Variants in MARK4 observed in about 807,000 individuals in gnomAD.
MARK4 encodes MAP/microtubule affinity-regulating kinase 4.
Under a neutral mutation model 81.5 loss-of-function variants are expected in MARK4, and 19 were observed. The ratio of observed to expected loss-of-function variants is 0.23; its 90% CI spans 0.16 to 0.34. MARK4 has a LOEUF of 0.34. MARK4 is among the 10% of genes least tolerant of loss of function. The probability of loss-of-function intolerance (pLI) is 1.00; values close to 1 mark genes in which losing one functional copy is unlikely to be tolerated. For missense variants in MARK4, 772 were observed against 1,058.8 expected, an observed-to-expected ratio of 0.73 and a Z score of 3.76; for synonymous variants, 436 against 439.0, an observed-to-expected ratio of 0.99 and a Z score of 0.08.
chr19:45,255,202 CAAA>C (rs764108800), intron 1 of MARK4, among the ~76,000 whole-genome samples: 2 of 127,624 alleles, frequency 1.6e-5, no homozygotes, highest in Admixed American at 8.0e-5. Flanking sequence ...GGCCCTGTCT[CAAA>C]AAAAAAAAAA....
In MARK4 at chr19:45,280,643, C is replaced by G. The variant is rs144143514; in HGVS notation, c.1185C>G (p.Asn395Lys). The G allele has an allele frequency of 1.2e-6, 2 of 1,614,188 alleles. No individual in the cohort carries two copies. The highest frequency in any genetic ancestry group is 1.1e-5 in the South Asian group (1 of 91,092). The change falls in exon 12 of 17, where the codon AAC becomes AAG. Residue 395 changes from asparagine (N) to lysine (K), a missense_variant. Coordinates refer to ENST00000262891, the MANE Select transcript of MARK4 (RefSeq NM_001199867.2). The stretch of plus-strand genomic sequence containing the variant: ...TGCGGGCGCCCAGCGACACCACCAA[C>G]GGAACAAGTTCCAGCAAAGGCACCA... ...ARVRAPSDTTNGTSSSKGTSH... is the reference protein window; with the variant it reads ...ARVRAPSDTTKGTSSSKGTSH...
At chr19:45,299,918 C>G (rs1970945703) in intron 16 of MARK4, 63 bp downstream of exon 16, 4 of 1,520,416 alleles carry the variant, frequency 2.6e-6, no homozygotes, top group Non-Finnish European at 3.6e-6. Flanking sequence ...CCTCCCGACA[C>G]TTACCCCAGG....
chr19:45,264,742 A>G lies in MARK4; in HGVS notation c.414A>G (p.Ala138=), dbSNP rs1208698384. 1 of 1,613,932 alleles carries G rather than the reference A, an allele frequency of 6.2e-7. No homozygotes were observed. The highest frequency in any genetic ancestry group is 8.5e-7 in the Non-Finnish European group (1 of 1,180,036). ...EKTLYLVMEY[A]SAGEVFDYLV... ...CGCTGTACCTGGTGATGGAGTACGC[A>G]AGTGCTGGTGAGCCGCCCACCCTCT... Residue 138 remains alanine, a synonymous_variant, in exon 5 of 17, where the codon GCA becomes GCG. Coordinates refer to ENST00000262891, the MANE Select transcript of MARK4 (RefSeq NM_001199867.2).
At chr19:45,268,020 T>A (rs1832040775) in intron 7 of MARK4, among the ~76,000 whole-genome samples, 3 of 152,086 alleles carry the variant, frequency 2.0e-5, no homozygotes, top group Admixed American at 2.0e-4. Context: ...GGTCTCAATC[T>A]CCTGACCTTG....
chr19:45,293,716 T>C (rs765629893), intron 13 of MARK4, among the ~76,000 whole-genome samples: 3 of 152,232 alleles, frequency 2.0e-5, no homozygotes, highest in Admixed American at 6.5e-5. Context: ...AATCCTGATA[T>C]TCCCTGTGTT....
rs1484310480 is a variant in MARK4 at position 45,280,362 on chromosome 19, C to T, written c.1007-12C>T. The T allele has an allele frequency of 6.2e-7, 1 of 1,608,534 alleles. No individual in the cohort carries two copies. ...TGGGAGTCTGAAACTTCTCTCCATC[C>T]CCCCCTCCCAGAGGTGATGGTGGGT... On this transcript the variant is annotated splice_polypyrimidine_tract_variant and intron_variant, in intron 10 of 16. Coordinates refer to ENST00000262891, the MANE Select transcript of MARK4 (RefSeq NM_001199867.2).
chr19:45,287,523 G>GC lies in MARK4; in HGVS notation c.1354dup (p.Leu452ProfsTer53). On this transcript the variant is annotated frameshift_variant, in exon 13 of 17. Coordinates refer to ENST00000262891, the MANE Select transcript of MARK4 (RefSeq NM_001199867.2). LOFTEE classifies it high-confidence loss of function. Reference sequence around the variant, plus strand: ...GGGAGGCGGAGCTGAAGGAGGAGCGGCTGCCAGGCCGGAAGGCGAGCTGCA... The same window carrying GC: ...GGGAGGCGGAGCTGAAGGAGGAGCGGCCTGCCAGGCCGGAAGGCGAGCTGCA... 6.4e-7 allele frequency: 1 copy of GC among 1,561,796 alleles called. No individual in the cohort carries two copies. Among genetic ancestry groups the GC allele is most frequent in the Non-Finnish European group, 8.7e-7 (1 of 1,150,874 alleles).
intron 1 of MARK4, among the ~76,000 whole-genome samples, chr19:45,255,692 G>A (rs1008123121): frequency 6.6e-5 from 10 of 152,280 alleles, no homozygotes; most frequent in Middle Eastern, 3.4e-3. Context: ...TCAATGACCA[G>A]CATTAATTAA....
intron 2 of MARK4, 57 bp from the exon 3 acceptor site, chr19:45,263,056 A>G (rs1970399757): frequency 1.3e-6 from 2 of 1,561,322 alleles, no homozygotes; most frequent in East Asian, 2.4e-5. Context: ...CTGAGCCACC[A>G]TATCCAGTGG....
In MARK4 at chr19:45,302,239, C is replaced by A. The variant is rs1414502615; in HGVS notation, c.1923-135C>A. 2.6e-6 allele frequency: 4 copies of A among 1,538,196 alleles called. No individual in the cohort carries two copies. Among genetic ancestry groups the A allele is most frequent in the Non-Finnish European group, 3.5e-6 (4 of 1,142,970 alleles). On this transcript the variant is annotated intron_variant, in intron 16 of 16. Coordinates refer to ENST00000262891, the MANE Select transcript of MARK4 (RefSeq NM_001199867.2). This position sits in a 1 kb window ranked among gnomAD's most constrained non-coding sequence, Gnocchi z 4.9. ...GCTCTGTATCCAGTTGAAACTGTCGCTGGGGTAACAGGGGAAGATGTTTTT... is the reference window on the plus strand; with the variant it reads ...GCTCTGTATCCAGTTGAAACTGTCGATGGGGTAACAGGGGAAGATGTTTTT...
chr19:45,270,219 G>T (rs1599785312), intron 7 of MARK4, among the ~76,000 whole-genome samples: 2 of 152,132 alleles, frequency 1.3e-5, no homozygotes, highest in East Asian at 3.8e-4. Context: ...CAGGTGTCGA[G>T]ATCACCCTCA....
At position 45,297,823 on chromosome 19, in the gene MARK4, G is replaced by T. The variant is rs997386518; in HGVS notation, c.1746G>T (p.Gly582=). 3 of 1,541,840 alleles carry T rather than the reference G, an allele frequency of 1.9e-6. No individual in the cohort carries two copies. The highest frequency in any genetic ancestry group is 2.4e-5 in the East Asian group (1 of 41,350). The stretch of plus-strand genomic sequence containing the variant: ...TCCGGGACCGGCGGGCAGGGGGTGG[G>T]GGTGGTGGGGGTGTGCAGAATGGGC... The part of the protein sequence containing the change: ...GQVRDRRAGG[G]GGGGVQNGPP... Residue 582 remains glycine (G), a synonymous_variant, in exon 15 of 17, where the codon GGG becomes GGT. Coordinates refer to ENST00000262891, the MANE Select transcript of MARK4 (RefSeq NM_001199867.2).
chr19:45,263,696 C>G (rs1312300375), intron 4 of MARK4, among the ~76,000 whole-genome samples: 1 of 149,964 alleles, frequency 6.7e-6, no homozygotes, highest in African/African-American at 2.5e-5. Flanking sequence ...GAGCTGAGAT[C>G]GCACCACTGC....
chr19:45,300,339 C>G (rs1420929371), intron 16 of MARK4, among the ~76,000 whole-genome samples: 3 of 31,082 alleles, frequency 9.7e-5, no homozygotes, highest in East Asian at 1.3e-3. Flanking sequence ...AGTGAAACTC[C>G]GTCTGAAAAA....
intron 16 of MARK4, among the ~76,000 whole-genome samples, chr19:45,301,888 GGA>G (rs572364842): frequency 7.3e-6 from 1 of 136,520 alleles, no homozygotes; most frequent in Non-Finnish European, 1.6e-5. Context: ...AAAAAGAAAA[GGA>G]AAAAGAAATT....
chr19:45,282,430 G>A (rs774706827), intron 12 of MARK4, among the ~76,000 whole-genome samples: 2 of 151,704 alleles, frequency 1.3e-5, no homozygotes, highest in Non-Finnish European at 2.9e-5. Flanking sequence ...GGTGGCTCAC[G>A]CCTGTAATCC....
At chr19:45,297,981 A>AGGGCGGGGCG in intron 15 of MARK4, 27 bp downstream of exon 15, 1 of 791,978 alleles carries the variant, frequency 1.3e-6, no homozygotes. Context: ...TGGCAGGGGC[A>AGGGCGGGGCG]GGGCGGGGCG....
chr19:45,273,709 A>C (rs1389760323), intron 8 of MARK4, among the ~76,000 whole-genome samples: 1 of 152,178 alleles, frequency 6.6e-6, no homozygotes, highest in African/African-American at 2.4e-5. Context: ...TCTCGATTGG[A>C]ATCGGGGGTG....
chr19:45,297,645 C>T (rs1425938228), intron 14 of MARK4, 31 bp from the exon 15 acceptor site: 1 of 1,466,142 alleles, frequency 6.8e-7, no homozygotes, highest in Non-Finnish European at 9.1e-7. Flanking sequence ...GCCTCAGTCC[C>T]CCACCCTGAC....
Sources: allele counts gnomAD v4.1 joint callset (sites outside exome capture counted in the v4.1 genomes callset), GRCh38; gene constraint gnomAD v4.1.1; non-coding constraint Gnocchi (gnomAD v3.1); transcripts MANE v1.5; gene names NCBI Gene and HGNC (gene_info 2026-07-23, HGNC 2026-07-21).